Variants in FBXO38 observed in about 807,000 individuals in gnomAD.
The protein encoded by FBXO38 is F-box protein 38.
A neutral mutation model predicts 131.9 loss-of-function variants in FBXO38; 53 were observed. The observed-to-expected ratio is 0.40, with a 90% CI of 0.32 to 0.51. The LOEUF is 0.51. Among genes scored for constraint, FBXO38 ranks in the 20% least tolerant of loss-of-function variants. The pLI is 0.53. For synonymous variants in FBXO38, 452 were observed against 505.6 expected (o/e 0.89, Z 1.42); for missense variants, 1,076 against 1,475.6 (o/e 0.73, Z 4.44).
At chr5:148,430,289 G>T (rs1753969085) in intron 15 of FBXO38, 1 of 150,346 alleles carries the variant, frequency 6.7e-6, no homozygotes, top group Admixed American at 6.6e-5. Flanking sequence ...CCAGTAGCTG[G>T]GATTACAAGC....
intron 9 of FBXO38, 34 bp from the exon 10 acceptor site, chr5:148,414,102 A>G (rs1319478134): frequency 6.7e-7 from 1 of 1,484,962 alleles, no homozygotes; most frequent in Non-Finnish European, 9.2e-7. Flanking sequence ...TAAGAATTTG[A>G]CTTTTTTTTT....
chr5:148,384,447 G>A (rs978618387), intron 1 of FBXO38, among the ~76,000 whole-genome samples: 3 of 152,204 alleles, frequency 2.0e-5, no homozygotes, highest in Admixed American at 6.5e-5. Flanking sequence ...GTTCAGCGTA[G>A]TGAGGAGATG....
At chr5:148,405,814 A>G (rs898410637) in intron 6 of FBXO38, among the ~76,000 whole-genome samples, 3 of 152,084 alleles carry the variant, frequency 2.0e-5, no homozygotes, top group East Asian at 1.9e-4. Context: ...TTATCCTTCT[A>G]TAATTACTTA....
chr5:148,416,370 A>G (rs1217671784), intron 11 of FBXO38, among the ~76,000 whole-genome samples: 1 of 152,154 alleles, frequency 6.6e-6, no homozygotes, highest in Non-Finnish European at 1.5e-5. Context: ...AGAAATTATT[A>G]CGTGGGATAA....
chr5:148,390,322 T>G (rs1051703554), intron 1 of FBXO38, among the ~76,000 whole-genome samples: 3 of 152,196 alleles, frequency 2.0e-5, no homozygotes, highest in African/African-American at 7.2e-5. Context: ...TACTTGGACT[T>G]GAGAAGGCTG....
chr5:148,388,017 CTTGAAAG>C (rs71583973), intron 1 of FBXO38, among the ~76,000 whole-genome samples: 37,832 of 151,742 alleles, frequency 0.25, 4,696 homozygotes, highest in South Asian at 0.29. Flanking sequence ...AATAATATGA[CTTGAAAG>C]TTGAAAGTTC....
chr5:148,416,119 TAAA>T lies in FBXO38; in HGVS notation c.1407+52_1407+54del, dbSNP rs1753037822. On this transcript the variant is annotated intron_variant, in intron 11 of 21. Coordinates refer to ENST00000340253, the MANE Select transcript of FBXO38 (RefSeq NM_205836.3). ...TTGTTTATTTTGATAGGAAAGAAAA[TAAA>T]AACAGCCTGTGATTTTTTTTTTTTT... 6.9e-6 allele frequency: 10 copies of T among 1,454,572 alleles called. No homozygotes were observed. The East Asian group carries it at 2.4e-4, about 35-fold the overall frequency. 90.1% of individuals were successfully genotyped at this position (1,454,572 alleles called of 1,614,324 possible). A position where few individuals can be genotyped will look rare whatever the true frequency, so the allele number is the denominator to read the frequency against.
At chr5:148,396,656 A>T (rs895081947) in intron 2 of FBXO38, among the ~76,000 whole-genome samples, 3 of 152,188 alleles carry the variant, frequency 2.0e-5, no homozygotes, top group African/African-American at 7.2e-5. Flanking sequence ...TATATTTTTG[A>T]GACAGAGTCT....
At chr5:148,391,477 A>G (rs1475178182) in intron 1 of FBXO38, among the ~76,000 whole-genome samples, 1 of 152,224 alleles carries the variant, frequency 6.6e-6, no homozygotes, top group Non-Finnish European at 1.5e-5. Context: ...AGATTTTTAC[A>G]GGCAGTTTTC....
At chr5:148,424,169 G>A (rs541801488) in intron 13 of FBXO38, 52 bp downstream of exon 13, 16 of 1,561,552 alleles carry the variant, frequency 1.0e-5, no homozygotes, top group Non-Finnish European at 1.2e-5. Context: ...CGGCCTAACT[G>A]TAATGAAGTA....
intron 9 of FBXO38, chr5:148,413,498 A>C (rs1364280283): frequency 1.3e-5 from 2 of 152,422 alleles, no homozygotes; most frequent in East Asian, 3.9e-4. Context: ...GAGAAATGAT[A>C]AGAGGCAAGG....
intron 9 of FBXO38, 106 bp downstream of exon 9, chr5:148,410,871 T>TA: frequency 9.3e-7 from 1 of 1,079,204 alleles, no homozygotes; most frequent in Middle Eastern, 2.5e-4. Context: ...TAAGACAACT[T>TA]AAAATCTTAG....
intron 15 of FBXO38, 21 bp from the exon 16 acceptor site, chr5:148,433,403 C>A (rs1754149532): frequency 1.3e-6 from 2 of 1,551,594 alleles, no homozygotes; most frequent in African/African-American, 2.8e-5. Flanking sequence ...TTTGGATTTT[C>A]TTTTTTTTTG....
intron 10 of FBXO38, among the ~76,000 whole-genome samples, chr5:148,414,927 A>G (rs572852003): frequency 1.4e-4 from 22 of 152,292 alleles, no homozygotes; most frequent in Non-Finnish European, 3.1e-4. Flanking sequence ...GAGAGCCTGA[A>G]AAAGTTGTAC....
chr5:148,412,562 A>G (rs896740779), intron 9 of FBXO38, among the ~76,000 whole-genome samples: 18 of 152,180 alleles, frequency 1.2e-4, no homozygotes, highest in Admixed American at 2.6e-4. Context: ...TAAGCTTTAT[A>G]TAATACTGAT....
At position 148,394,822 on chromosome 5, in the gene FBXO38, G is replaced by A; in HGVS notation, c.46G>A (p.Glu16Lys). ...KSVKTCIMNNEIPEEMTADET... is the reference protein window; with the variant it reads ...KSVKTCIMNNKIPEEMTADET... ...TGTGAAAACATGTATCATGAATAAT[G>A]AAATTCCAGAAGAAATGACAGCAGA... Residue 16 changes from glutamate to lysine, a missense_variant, in exon 2 of 22, where the codon GAA (glutamate) becomes AAA (lysine). Coordinates refer to ENST00000340253, the MANE Select transcript of FBXO38 (RefSeq NM_205836.3). 1 of 1,603,858 alleles carries A rather than the reference G, an allele frequency of 6.2e-7. No individual in the cohort carries two copies. The highest frequency in any genetic ancestry group is 8.5e-7 in the Non-Finnish European group (1 of 1,175,376).
In FBXO38 at chr5:148,408,944, C is replaced by T. The variant is rs535422531; in HGVS notation, c.869-180C>T. ...CAAAATGAGGGTCTGCTTTCATTTC[C>T]TTTTAGGTCACCAGTAGTTATAATT... On this transcript the variant is annotated intron_variant, in intron 7 of 21. Transcript: ENST00000340253. Among the ~76,000 whole-genome samples, 8 of 152,232 alleles carry T rather than the reference C, an allele frequency of 5.3e-5. No individual in the cohort carries two copies. In the East Asian group the frequency reaches 1.4e-3, roughly 26 times the overall value.
At chr5:148,415,473 T>C (rs1211905482) in intron 10 of FBXO38, 1 of 156,466 alleles carries the variant, frequency 6.4e-6, no homozygotes, top group African/African-American at 2.4e-5. Flanking sequence ...TTAAAAATGA[T>C]TTATATTATA....
At chr5:148,397,982 G>T (rs538279700) in intron 2 of FBXO38, among the ~76,000 whole-genome samples, 1 of 152,272 alleles carries the variant, frequency 6.6e-6, no homozygotes, top group South Asian at 2.1e-4. Context: ...TGAAGAATTT[G>T]TCTAGGGGAT....
Sources: allele counts gnomAD v4.1 joint callset (sites outside exome capture counted in the v4.1 genomes callset), GRCh38; gene constraint gnomAD v4.1.1; transcripts MANE v1.5; gene names NCBI Gene and HGNC (gene_info 2026-07-23, HGNC 2026-07-21).